REV1: variants seen among roughly 807,000 people sequenced by gnomAD.
REV1 encodes the protein REV1 DNA directed polymerase.
REV1 carries 42 observed loss-of-function variants against 137.4 expected under a neutral mutation model. The ratio of observed to expected loss-of-function variants is 0.31; its 90% confidence interval spans 0.24 to 0.40. REV1 has a LOEUF of 0.40. Ranked by LOEUF, REV1 falls within the 10% of genes least tolerant of loss-of-function variation. The pLI, the probability that REV1 is intolerant of heterozygous loss-of-function variation, is 1.00. For synonymous variants in REV1, 524 were observed against 519.2 expected, an observed-to-expected ratio of 1.01 and a Z score of -0.12; for missense variants, 1,282 against 1,490.1, an observed-to-expected ratio of 0.86 and a Z score of 2.30.
Position 99,404,400 on chromosome 2 carries a change from G to A in REV1, c.3045+44C>T, listed in dbSNP as rs771383124. The A allele has an allele frequency of 4.6e-6, 7 of 1,515,198 alleles. 1 individual carries two copies. In the South Asian group the frequency reaches 6.8e-5, roughly 15 times the overall value. 93.9% of individuals were successfully genotyped at this position (1,515,198 alleles called of 1,614,324 possible). ...AGGTCCTAAGTTGGAGCAGGGGGGT[G>A]AGAATATTGAAACTACAGCAGAGGG... On this transcript the variant is annotated intron_variant, in intron 18 of 22. Coordinates refer to ENST00000258428, the MANE Select transcript of REV1 (RefSeq NM_016316.4).
At chr2:99,463,100 TAATA>T (rs1471316493) in intron 2 of REV1, among the ~76,000 whole-genome samples, 1 of 151,818 alleles carries the variant, frequency 6.6e-6, no homozygotes, top group Non-Finnish European at 1.5e-5. Flanking sequence ...AAAAAAATTA[TAATA>T]AATAAATATA....
chr2:99,461,288 C>A (rs546745986), intron 3 of REV1, among the ~76,000 whole-genome samples: 1 of 152,348 alleles, frequency 6.6e-6, no homozygotes, highest in South Asian at 2.1e-4. Flanking sequence ...AACTCCAATT[C>A]AACAAATATG....
chr2:99,475,463 T>C (rs1288731305), intron 1 of REV1, among the ~76,000 whole-genome samples: 1 of 152,124 alleles, frequency 6.6e-6, no homozygotes, highest in African/African-American at 2.4e-5. Context: ...TTGAATAAAT[T>C]TTGCTTCTAA....
chr2:99,468,295 G>T (rs1685046377), intron 1 of REV1, among the ~76,000 whole-genome samples: 1 of 152,152 alleles, frequency 6.6e-6, no homozygotes, highest in Admixed American at 6.5e-5. Context: ...AACATCCAGG[G>T]AAAAGTTCTC....
At chr2:99,407,278 T>C (rs2104409416) in intron 15 of REV1, among the ~76,000 whole-genome samples, 1 of 151,474 alleles carries the variant, frequency 6.6e-6, no homozygotes, top group East Asian at 1.9e-4. Flanking sequence ...TTAGTAGAGA[T>C]GGGGGCAAGT....
chr2:99,429,284 A>C (rs1679804856), intron 9 of REV1, among the ~76,000 whole-genome samples: 1 of 152,190 alleles, frequency 6.6e-6, no homozygotes, highest in African/African-American at 2.4e-5. Context: ...GCCAATTATA[A>C]TTATGGTTTC....
chr2:99,471,607 G>T (rs922862713), intron 1 of REV1, among the ~76,000 whole-genome samples: 3 of 151,956 alleles, frequency 2.0e-5, no homozygotes, highest in Non-Finnish European at 4.4e-5. Context: ...GGCAAAAAAG[G>T]GTTAAAAGGC....
chr2:99,423,833 A>T (rs1678996122), intron 10 of REV1, among the ~76,000 whole-genome samples: 1 of 152,250 alleles, frequency 6.6e-6, no homozygotes, highest in Admixed American at 6.5e-5. Flanking sequence ...AGGTTAAAAA[A>T]TTCCATCCTT....
At chr2:99,464,226 CTTGATTTCAA>C (rs1336135870) in intron 2 of REV1, among the ~76,000 whole-genome samples, 2 of 152,092 alleles carry the variant, frequency 1.3e-5, no homozygotes, top group Non-Finnish European at 2.9e-5. Flanking sequence ...TATAATTAAG[CTTGATTTCAA>C]TTATTAGGTC....
chr2:99,429,652 CTGTT>C (rs1004093446), intron 9 of REV1, among the ~76,000 whole-genome samples, 184 bp downstream of exon 9: 33 of 149,146 alleles, frequency 2.2e-4, no homozygotes, highest in African/African-American at 7.6e-4. Context: ...AACTAGTAAG[CTGTT>C]TGTTTAAAGT....
At chr2:99,421,681 T>TCACAGC in intron 10 of REV1, 28 bp from the exon 11 acceptor site, 1 of 1,595,728 alleles carries the variant, frequency 6.3e-7, no homozygotes, top group South Asian at 1.1e-5. Flanking sequence ...AGGCAACGAA[T>TCACAGC]CACAGCCACA....
intron 5 of REV1, among the ~76,000 whole-genome samples, chr2:99,441,887 A>T (rs1474383351): frequency 6.6e-6 from 1 of 152,212 alleles, no homozygotes; most frequent in Non-Finnish European, 1.5e-5. Flanking sequence ...CATGTTTATT[A>T]TAAGTGAATG....
At chr2:99,474,117 CCTTT>C (rs1453044369) in intron 1 of REV1, among the ~76,000 whole-genome samples, 3 of 152,308 alleles carry the variant, frequency 2.0e-5, no homozygotes, top group South Asian at 2.1e-4. Context: ...TTTTAGTGTT[CCTTT>C]AATTTTTAAC....
At chr2:99,430,439 C>T (rs1384936126) in intron 8 of REV1, among the ~76,000 whole-genome samples, 1 of 152,168 alleles carries the variant, frequency 6.6e-6, no homozygotes, top group Non-Finnish European at 1.5e-5. Context: ...CATGAAATTC[C>T]TACCATCTAT....
intron 8 of REV1, among the ~76,000 whole-genome samples, chr2:99,431,566 C>A (rs1032687360): frequency 6.6e-6 from 1 of 152,160 alleles, no homozygotes; most frequent in Non-Finnish European, 1.5e-5. Context: ...TTATGCCTTA[C>A]AAGTTGGAGA....
chr2:99,456,543 G>A, intron 3 of REV1, among the ~76,000 whole-genome samples: 1 of 152,190 alleles, frequency 6.6e-6, no homozygotes, highest in East Asian at 1.9e-4. Flanking sequence ...AGAAGGAACT[G>A]CAAATTTAAG....
chr2:99,451,469 T>C (rs1242370811), intron 3 of REV1: 1 of 1,304,200 alleles, frequency 7.7e-7, no homozygotes, highest in East Asian at 5.5e-5. Flanking sequence ...CTCTTACATA[T>C]TCTTCAGTGT....
At chr2:99,439,419 A>G in intron 5 of REV1, 109 bp from the exon 6 acceptor site, 1 of 664,458 alleles carries the variant, frequency 1.5e-6, no homozygotes, top group East Asian at 2.8e-5. Context: ...TTCCCCCTTT[A>G]AAAACAGAAA....
In REV1 at chr2:99,402,976, T is replaced by C. The variant is rs997891262; in HGVS notation, c.3297A>G (p.Ala1099=). Residue 1099 remains alanine, a synonymous_variant, in exon 20 of 23, where the codon GCA becomes GCG. Transcript: ENST00000258428. ...TGCCACAGGCCCCTGGCAGAGTTTT[T>C]GCAGGACTGTTAAGCAGCTTGTTAT... ...PLNNKLLNSP[A]KTLPGACGSP... is the part of the protein sequence containing the mutation. 3 of 1,614,244 alleles carry C rather than the reference T, an allele frequency of 1.9e-6. No homozygotes were observed.
Sources: gnomAD v4.1 joint callset for allele counts (sites outside exome capture counted in the v4.1 genomes callset) on GRCh38, gnomAD v4.1.1 for gene constraint, MANE v1.5 for transcripts, NCBI Gene and HGNC (gene_info 2026-07-23, HGNC 2026-07-21) for gene names.